RBMS3: variants seen among roughly 807,000 people sequenced by gnomAD.
The protein encoded by RBMS3 is RNA-binding motif, single-stranded-interacting protein 3.
Under a neutral mutation model 66.8 loss-of-function variants are expected in RBMS3, and 27 were observed. That is an observed-to-expected ratio of 0.40 (90% CI 0.30 to 0.56). The LOEUF is 0.56. Ranked by LOEUF, RBMS3 falls within the 20% of genes least tolerant of loss-of-function variation. RBMS3 has a pLI of 0.40. For synonymous variants in RBMS3, 188 were observed against 183.0 expected, an observed-to-expected ratio of 1.03 and a Z score of -0.22; for missense variants, 513 against 549.5, an observed-to-expected ratio of 0.93 and a Z score of 0.66.
At chr3:29,371,790 A>G (rs895511019) in intron 1 of RBMS3, among the ~76,000 whole-genome samples, 2 of 152,222 alleles carry the variant, frequency 1.3e-5, no homozygotes, top group African/African-American at 2.4e-5. Context: ...GGAGAGAGGA[A>G]TTAAAACCAG....
At chr3:29,969,643 C>T (rs1697096008) in intron 12 of RBMS3, among the ~76,000 whole-genome samples, 2 of 152,130 alleles carry the variant, frequency 1.3e-5, no homozygotes. Context: ...CTTAAGTAAA[C>T]ATCAAGTTTC....
At chr3:29,697,553 T>C (rs904474595) in intron 4 of RBMS3, among the ~76,000 whole-genome samples, 2 of 152,208 alleles carry the variant, frequency 1.3e-5, no homozygotes, top group African/African-American at 2.4e-5. Context: ...CTTATTACAG[T>C]TTGAATGTAT....
intron 3 of RBMS3, among the ~76,000 whole-genome samples, chr3:29,561,116 A>G (rs374399516): frequency 0.11 from 28 of 258 alleles, no homozygotes; most frequent in African/African-American, 0.25. Flanking sequence ...CCTATGTACC[A>G]CATTTTCTTA....
chr3:29,803,239 C>T (rs1438946454), intron 6 of RBMS3, among the ~76,000 whole-genome samples: 2 of 152,090 alleles, frequency 1.3e-5, no homozygotes, highest in South Asian at 2.1e-4. Context: ...TTCTTAGGGA[C>T]TTCAAATCAG....
At chr3:29,541,185 A>T (rs1280523109) in intron 3 of RBMS3, among the ~76,000 whole-genome samples, 1 of 152,142 alleles carries the variant, frequency 6.6e-6, no homozygotes, top group Non-Finnish European at 1.5e-5. Flanking sequence ...TGCCATCTAC[A>T]TGTGAAAAAC....
chr3:29,710,781 T>C (rs948098774), intron 4 of RBMS3, among the ~76,000 whole-genome samples: 1 of 152,230 alleles, frequency 6.6e-6, no homozygotes, highest in Non-Finnish European at 1.5e-5. Context: ...TTAGAGGCTT[T>C]CAGAGTTATC....
At chr3:29,472,799 A>T (rs1280024780) in intron 2 of RBMS3, among the ~76,000 whole-genome samples, 2 of 152,134 alleles carry the variant, frequency 1.3e-5, no homozygotes, top group Non-Finnish European at 2.9e-5. Context: ...AGTGAGCAGC[A>T]GCAAGATTTA....
At chr3:29,418,196 G>A (rs559470089) in intron 1 of RBMS3, among the ~76,000 whole-genome samples, 1 of 152,250 alleles carries the variant, frequency 6.6e-6, no homozygotes, top group African/African-American at 2.4e-5. Context: ...GTGATAAGAA[G>A]TTCAAAGTAA....
chr3:29,671,430 C>G (rs1438248297), intron 4 of RBMS3, among the ~76,000 whole-genome samples: 1 of 152,182 alleles, frequency 6.6e-6, no homozygotes, highest in Non-Finnish European at 1.5e-5. Flanking sequence ...CGGAGAATGA[C>G]TTTGACAAGT....
intron 1 of RBMS3, among the ~76,000 whole-genome samples, chr3:29,295,336 T>C (rs1194944202): frequency 6.5e-5 from 9 of 138,354 alleles, no homozygotes; most frequent in African/African-American, 2.3e-4. Flanking sequence ...TACACACACA[T>C]ATATATATAC....
chr3:29,864,927 G>A (rs1222568077), intron 6 of RBMS3, among the ~76,000 whole-genome samples: 32 of 116,432 alleles, frequency 2.7e-4, no homozygotes, highest in African/African-American at 1.1e-3. Context: ...AGGAAGGAAG[G>A]AAGAGAGAGA....
intron 3 of RBMS3, among the ~76,000 whole-genome samples, chr3:29,544,699 A>ATGTGTGTGTG (rs138879910): frequency 7.5e-4 from 113 of 150,764 alleles, no homozygotes; most frequent in African/African-American, 2.1e-3. Flanking sequence ...TGAAATGTAA[A>ATGTGTGTGTG]TGTGTGTGTG....
At chr3:29,473,667 C>T (rs981195382) in intron 2 of RBMS3, among the ~76,000 whole-genome samples, 14 of 152,228 alleles carry the variant, frequency 9.2e-5, no homozygotes, top group Admixed American at 2.6e-4. Context: ...AGCTAAGGCA[C>T]GGTGAGAAAT....
At chr3:29,420,648 A>G (rs2040677246) in intron 1 of RBMS3, among the ~76,000 whole-genome samples, 1 of 151,122 alleles carries the variant, frequency 6.6e-6, no homozygotes, top group East Asian at 1.9e-4. Context: ...GCAGAGTTTC[A>G]GAATACTTGC....
intron 1 of RBMS3, among the ~76,000 whole-genome samples, chr3:29,410,779 A>G (rs1163512237): frequency 1.3e-5 from 2 of 152,162 alleles, no homozygotes; most frequent in Non-Finnish European, 2.9e-5. Context: ...GGTGTTTTTC[A>G]AAGCTGTGTG....
At chr3:29,369,268 G>C (rs1231932325) in intron 1 of RBMS3, among the ~76,000 whole-genome samples, 2 of 151,834 alleles carry the variant, frequency 1.3e-5, no homozygotes, top group African/African-American at 2.4e-5. Context: ...CATGACACAA[G>C]TTTACCTATA....
intron 5 of RBMS3, among the ~76,000 whole-genome samples, chr3:29,761,339 C>A (rs144231201): frequency 5.9e-5 from 9 of 152,240 alleles, no homozygotes; most frequent in Non-Finnish European, 8.8e-5. Flanking sequence ...GAACTCGTTC[C>A]TGATATTATC....
chr3:29,712,915 CTTT>C (rs1378081775), intron 4 of RBMS3, among the ~76,000 whole-genome samples: 2 of 152,086 alleles, frequency 1.3e-5, no homozygotes, highest in Non-Finnish European at 2.9e-5. Context: ...TCCTGCACTT[CTTT>C]GTTTCCATAA....
At chr3:29,965,522 T>TC (rs1696774039) in intron 12 of RBMS3, among the ~76,000 whole-genome samples, 1 of 152,188 alleles carries the variant, frequency 6.6e-6, no homozygotes, top group African/African-American at 2.4e-5. Flanking sequence ...CATTTGTATA[T>TC]CTTCTTTTGA....
Sources: allele counts gnomAD v4.1 joint callset (sites outside exome capture counted in the v4.1 genomes callset), GRCh38; gene constraint gnomAD v4.1.1; transcripts MANE v1.5; gene names NCBI Gene and HGNC (gene_info 2026-07-23, HGNC 2026-07-21).